Variants in GBF1 observed in about 807,000 individuals in gnomAD.
GBF1 encodes Golgi-specific brefeldin A-resistance guanine nucleotide exchange factor 1.
A neutral mutation model predicts 210.5 loss-of-function variants in GBF1; 114 were observed. The ratio of observed to expected loss-of-function variants is 0.54; its 90% confidence interval spans 0.47 to 0.63. The LOEUF is 0.63. GBF1 is among the 30% of genes least tolerant of loss of function. The probability of loss-of-function intolerance (pLI) is 0.00; values close to 1 mark genes in which losing one functional copy is unlikely to be tolerated. For synonymous variants in GBF1, 850 were observed against 889.2 expected (o/e 0.96, Z 0.78); for missense variants, 1,851 against 2,357.7 (o/e 0.79, Z 4.45).
chr10:102,288,680 C>T (rs1217918338), intron 3 of GBF1, among the ~76,000 whole-genome samples: 2 of 144,918 alleles, frequency 1.4e-5, no homozygotes, highest in East Asian at 2.1e-4. Context: ...CACTGCAGTC[C>T]GCAGTCCGGC....
chr10:102,358,901 C>T (rs965689470), intron 10 of GBF1, among the ~76,000 whole-genome samples, 172 bp downstream of exon 10: 1 of 152,202 alleles, frequency 6.6e-6, no homozygotes, highest in Non-Finnish European at 1.5e-5. Context: ...AAACCCACAG[C>T]ATGACTCACT....
Position 102,361,019 on chromosome 10 carries a change from C to T in GBF1, c.1393-3C>T. On this transcript the variant is annotated splice_region_variant and splice_polypyrimidine_tract_variant and intron_variant, in intron 12 of 39. Coordinates refer to ENST00000369983, the MANE Select transcript of GBF1 (RefSeq NM_001377137.1). Reference sequence around the variant, plus strand: ...TCATGGCCTACCCTGCTCTCATCTCCAGCTACTCAGCATAGAGCGACTAAA... The same window carrying T: ...TCATGGCCTACCCTGCTCTCATCTCTAGCTACTCAGCATAGAGCGACTAAA... 2.0e-6 allele frequency: 3 copies of T among 1,498,112 alleles called. No homozygotes were observed. Among genetic ancestry groups the T allele is most frequent in the Non-Finnish European group, 2.8e-6 (3 of 1,074,704 alleles). The allele number at this position is 1,498,112 out of a possible 1,614,324, so 92.8% of individuals were successfully genotyped here. A position where few individuals can be genotyped will look rare whatever the true frequency, so the allele number is the denominator to read the frequency against.
In GBF1 at chr10:102,369,871, A is replaced by G; in HGVS notation, c.3226A>G (p.Thr1076Ala). The G allele has an allele frequency of 1.2e-6, 2 of 1,614,162 alleles. No individual in the cohort carries two copies. Residue 1076 changes from threonine to alanine, a missense_variant, in exon 26 of 40, where the codon ACA becomes GCA. By Grantham distance (58) the Thr-to-Ala change is moderately conservative. Around this residue, in one of 3 missense-constraint regions of GBF1, gnomAD observed 967 missense variants for 1,247.7 expected, o/e 0.78. Transcript: ENST00000369983. ...EETPSNRGESTVLSFVSWLTL... is the reference protein window; with the variant it reads ...EETPSNRGESAVLSFVSWLTL... ...GCCCTTTTTCTACAGAGGAGAGTCA[A>G]CAGTGCTGAGCTTTGTGAGCTGGCT...
At chr10:102,272,812 C>T (rs1299337798) in intron 3 of GBF1, among the ~76,000 whole-genome samples, 1 of 152,174 alleles carries the variant, frequency 6.6e-6, no homozygotes, top group African/African-American at 2.4e-5. Context: ...CTAGTGGTGG[C>T]AAATGTGGGT....
At chr10:102,369,540 T>C (rs2060092377) in intron 24 of GBF1, among the ~76,000 whole-genome samples, 153 bp downstream of exon 24, 1 of 152,140 alleles carries the variant, frequency 6.6e-6, no homozygotes, top group Non-Finnish European at 1.5e-5. Context: ...ACCACAGATC[T>C]TGGGGGATAG....
At chr10:102,336,698 C>T (rs1471351763) in intron 3 of GBF1, among the ~76,000 whole-genome samples, 2 of 152,124 alleles carry the variant, frequency 1.3e-5, no homozygotes, top group African/African-American at 2.4e-5. Context: ...TACCTAGAGC[C>T]CTTAGCTTCT....
intron 28 of GBF1, 34 bp from the exon 29 acceptor site, chr10:102,370,673 C>G: frequency 6.2e-7 from 1 of 1,609,090 alleles, no homozygotes. Context: ...GCCCCTCTGG[C>G]TGAGACTATC....
At chr10:102,279,826 G>A (rs2075316609) in intron 3 of GBF1, among the ~76,000 whole-genome samples, 1 of 152,122 alleles carries the variant, frequency 6.6e-6, no homozygotes, top group South Asian at 2.1e-4. Flanking sequence ...TTTCTTCGAG[G>A]GAACCTTGCC....
rs1025307229 is a variant in GBF1 at position 102,366,677 on chromosome 10, C to G, written c.2433+171C>G. ...TCTCAGCACACTGCAACCTCCACCCCCCGGGTTCAAGCAATTCTCCTGCCT... is the reference window on the plus strand; with the variant it reads ...TCTCAGCACACTGCAACCTCCACCCGCCGGGTTCAAGCAATTCTCCTGCCT... On this transcript the variant is annotated intron_variant, in intron 19 of 39. Coordinates refer to ENST00000369983, the MANE Select transcript of GBF1 (RefSeq NM_001377137.1). This position sits in a 1 kb window ranked among gnomAD's most constrained non-coding sequence, Gnocchi z 4.0. Among the ~76,000 whole-genome samples, 12 of 151,874 alleles carry G rather than the reference C, an allele frequency of 7.9e-5. No homozygotes were observed. Among genetic ancestry groups the G allele is most frequent in the East Asian group, 5.8e-4 (3 of 5,188 alleles).
intron 8 of GBF1, among the ~76,000 whole-genome samples, chr10:102,354,611 G>T (rs74155270): frequency 1.9e-4 from 29 of 152,286 alleles, no homozygotes; most frequent in African/African-American, 7.0e-4. Flanking sequence ...AGAGTTGCAC[G>T]TGATTGTAGC....
At position 102,377,025 on chromosome 10, in the gene GBF1, T is replaced by G. The variant is rs1197731902; in HGVS notation, c.4379T>G (p.Leu1460Arg). 6.2e-7 allele frequency: 1 copy of G among 1,614,108 alleles called. No homozygotes were observed. Reference protein sequence around the residue: ...FKKKSKEGSMLRRPRTSSQHA... With the variant: ...FKKKSKEGSMRRRPRTSSQHA... ...AAGAAATCCAAAGAGGGATCAATGC[T>G]TCGCCGGCCTCGAACCTCCAGCCAA... is the stretch of plus-strand genomic sequence containing the variant. The change falls in exon 33 of 40, where the codon CTT becomes CGT. Residue 1460 changes from leucine to arginine, a missense_variant. By Grantham distance (102) the Leu-to-Arg change is moderately radical (BLOSUM62 -2). Coordinates refer to ENST00000369983, the MANE Select transcript of GBF1 (RefSeq NM_001377137.1).
intron 29 of GBF1, among the ~76,000 whole-genome samples, chr10:102,372,908 G>A (rs1250897483): frequency 6.6e-6 from 1 of 152,164 alleles, no homozygotes; most frequent in East Asian, 1.9e-4. Context: ...CCTCAACACT[G>A]TCTGGATGGA....
chr10:102,382,144 C>A lies in GBF1; in HGVS notation c.5391C>A (p.Thr1797=), dbSNP rs1399924675. 3.1e-6 allele frequency: 5 copies of A among 1,611,488 alleles called. No individual in the cohort carries two copies. In the African/African-American group the frequency reaches 6.7e-5, roughly 22 times the overall value. The change falls in exon 40 of 40, where the codon ACC becomes ACA. Residue 1797 remains threonine, a synonymous_variant. Transcript: ENST00000369983. The stretch of plus-strand genomic sequence containing the variant: ...CAAGCCCCAGCAGGCTGAGCCCCAC[C>A]CCCGACGGGCCTCCACCCTTGGCTC... ...VASSPSRLSP[T]PDGPPPLAQP... is the part of the protein sequence containing the mutation.
At chr10:102,314,422 C>T (rs925979532) in intron 3 of GBF1, among the ~76,000 whole-genome samples, 1 of 152,124 alleles carries the variant, frequency 6.6e-6, no homozygotes, top group Non-Finnish European at 1.5e-5. Flanking sequence ...GCTGGGATTA[C>T]AGGTATGAGC....
chr10:102,242,615 G>A (rs35200058), upstream of GBF1, among the ~76,000 whole-genome samples: 642 of 152,306 alleles, frequency 4.2e-3, 6 homozygotes, highest in Non-Finnish European at 6.1e-3. Context: ...GTTAGGCTAT[G>A]TTGCTTGGGT....
At chr10:102,373,855 T>C (rs978121424) in intron 29 of GBF1, among the ~76,000 whole-genome samples, 10 of 152,204 alleles carry the variant, frequency 6.6e-5, no homozygotes, top group South Asian at 6.2e-4. Context: ...TTAGTTGTAA[T>C]AGCCAAAAAC....
intron 3 of GBF1, among the ~76,000 whole-genome samples, chr10:102,329,965 C>T (rs2057214722): frequency 6.6e-6 from 1 of 152,030 alleles, no homozygotes; most frequent in South Asian, 2.1e-4. Context: ...AAAAAATTAG[C>T]TGGGCATGGT....
intron 3 of GBF1, among the ~76,000 whole-genome samples, chr10:102,276,109 C>T (rs1251640848): frequency 2.0e-5 from 3 of 152,020 alleles, no homozygotes; most frequent in Non-Finnish European, 4.4e-5. Context: ...TGGGTGTGAG[C>T]GCCTGTAATC....
chr10:102,358,305 AAG>A, intron 9 of GBF1, 119 bp downstream of exon 9: 1 of 968,746 alleles, frequency 1.0e-6, no homozygotes, highest in East Asian at 2.4e-5. Flanking sequence ...TGAGAACAAA[AAG>A]GGAAACTCCA....
Sources: allele counts gnomAD v4.1 joint callset (sites outside exome capture counted in the v4.1 genomes callset), GRCh38; gene constraint gnomAD v4.1.1; regional missense constraint gnomAD v4.1.1; non-coding constraint Gnocchi (gnomAD v3.1); transcripts MANE v1.5; gene names NCBI Gene and HGNC (gene_info 2026-07-23, HGNC 2026-07-21).